PELP1: variants seen among roughly 807,000 people sequenced by gnomAD.
PELP1 encodes proline-, glutamic acid- and leucine-rich protein 1.
PELP1 carries 32 observed loss-of-function variants against 95.5 expected under a neutral mutation model. The observed-to-expected ratio is 0.34, with a 90% CI of 0.25 to 0.45. The LOEUF (loss-of-function observed/expected upper bound fraction) is 0.45, where lower values mean the gene tolerates loss of function less well. Ranked by LOEUF, PELP1 falls within the 20% of genes least tolerant of loss-of-function variation. PELP1 has a pLI of 1.00. For synonymous variants in PELP1, 668 were observed against 600.1 expected, an observed-to-expected ratio of 1.11 and a Z score of -1.65; for missense variants, 1,358 against 1,444.8, an observed-to-expected ratio of 0.94 and a Z score of 0.97.
At chr17:4,683,162 T>C in intron 3 of PELP1, 1 of 1,045,312 alleles carries the variant, frequency 9.6e-7, no homozygotes, top group Non-Finnish European at 1.2e-6. Context: ...GGAATTTGTG[T>C]GGGGGAAAAA....
chr17:4,692,194 G>A (rs1245895696), intron 1 of PELP1, among the ~76,000 whole-genome samples: 4 of 152,176 alleles, frequency 2.6e-5, no homozygotes, highest in African/African-American at 7.2e-5. Context: ...ATGGCCGGGC[G>A]CAGTGGCTCA....
chr17:4,683,973 G>A lies in PELP1; in HGVS notation c.421-1021C>T, dbSNP rs1279929614. ...ACTAATGTTCCCTGCTAGAAAGGGA[G>A]AAGAGCACTTTTCAGACTGAAAAAT... On this transcript the variant is annotated intron_variant, in intron 3 of 16. Transcript: ENST00000572293. 5.9e-5 allele frequency among the ~76,000 whole-genome samples: 9 copies of A among 151,532 alleles called. No individual in the cohort carries two copies. The East Asian group carries it at 7.8e-4, about 13-fold the overall frequency.
At chr17:4,693,151 T>C (rs1706786645) in intron 1 of PELP1, among the ~76,000 whole-genome samples, 1 of 152,198 alleles carries the variant, frequency 6.6e-6, no homozygotes, top group South Asian at 2.1e-4. Context: ...AAGTTATACA[T>C]AGAGTGAACA....
rs116554252 is a variant in PELP1 at position 4,672,615 on chromosome 17, G to A, written c.2376C>T (p.Pro792=). The A allele has an allele frequency of 1.9e-3, 3,052 of 1,608,260 alleles. 53 individuals carry two copies. In the African/African-American group the frequency reaches 0.033, roughly 17 times the overall value. The change falls in exon 16 of 17, where the codon CCC becomes CCT. Residue 792 remains proline (P), a synonymous_variant. Transcript: ENST00000572293. ...SDSDDSVVIV[P]EGLPPLPPPP... Reference sequence around the variant, plus strand: ...GGGGTGGCAGGGGGGGAAGCCCCTCGGGCACGATCACCACGCTGTCATCAG... The same window carrying A: ...GGGGTGGCAGGGGGGGAAGCCCCTCAGGCACGATCACCACGCTGTCATCAG...
At chr17:4,674,385 G>A in intron 13 of PELP1, 125 bp downstream of exon 13, 1 of 823,056 alleles carries the variant, frequency 1.2e-6, no homozygotes, top group African/African-American at 1.7e-5. Flanking sequence ...AGTGGACGAA[G>A]GCTGGTCTAG....
chr17:4,703,848 G>A lies in PELP1; in HGVS notation c.249+15C>T, dbSNP rs773951559. 6.3e-7 allele frequency: 1 copy of A among 1,599,712 alleles called. No homozygotes were observed. The highest frequency in any genetic ancestry group is 1.1e-5 in the South Asian group (1 of 90,090). On this transcript the variant is annotated intron_variant, in intron 1 of 16. Transcript: ENST00000572293. ...CCTCCCCACAGGGCCGCGGGCACGC[G>A]GGCCACGGACTCACCTGGGCCCCGC...
chr17:4,697,954 T>C (rs1371287496), intron 1 of PELP1, among the ~76,000 whole-genome samples: 1 of 150,206 alleles, frequency 6.7e-6, no homozygotes, highest in African/African-American at 2.4e-5. Context: ...CTGCTTAACC[T>C]AGAATACGTG....
chr17:4,675,193 C>T lies in PELP1; in HGVS notation c.1160G>A (p.Cys387Tyr). Residue 387 changes from cysteine to tyrosine, a missense_variant and splice_region_variant, in exon 11 of 17, where the codon TGT becomes TAT. Physicochemically the swap from Cys to Tyr is radical, Grantham distance 194. Around this residue, in one of 7 missense-constraint regions of PELP1, gnomAD observed 538 missense variants for 628.1 expected, o/e 0.86. Coordinates refer to ENST00000572293, the MANE Select transcript of PELP1 (RefSeq NM_014389.3). This position sits in a 1 kb window ranked among gnomAD's most constrained non-coding sequence, Gnocchi z 4.3. Reference sequence around the variant, plus strand: ...CCCAAAGCGCAAGAGCCGGCTTCCACACCTGGGGCAGAGAAGGAATGGTGA... The same window carrying T: ...CCCAAAGCGCAAGAGCCGGCTTCCATACCTGGGGCAGAGAAGGAATGGTGA... The part of the protein sequence containing the change: ...LDLLSALILA[C>Y]GSRLLRFGIL... 2 of 1,613,304 alleles carry T rather than the reference C, an allele frequency of 1.2e-6. No individual in the cohort carries two copies. Among genetic ancestry groups the T allele is most frequent in the Non-Finnish European group, 1.7e-6 (2 of 1,179,622 alleles).
At chr17:4,691,530 AT>A (rs748248320) in intron 1 of PELP1, 88 bp from the exon 2 acceptor site, 12 of 1,058,854 alleles carry the variant, frequency 1.1e-5, no homozygotes, top group Non-Finnish European at 1.7e-5. Context: ...CCCAGCACCT[AT>A]GAAGCCTTTC....
rs1162874736 is a variant in PELP1 at position 4,670,657 on chromosome 17, T to C, written c.*782A>G. 6.6e-6 allele frequency: 1 copy of C among 151,712 alleles called. No individual in the cohort carries two copies. The highest frequency in any genetic ancestry group is 1.5e-5 in the Non-Finnish European group (1 of 67,960). 9.4% of individuals were successfully genotyped at this position (151,712 alleles called of 1,614,324 possible). A position where few individuals can be genotyped will look rare whatever the true frequency, so the allele number is the denominator to read the frequency against. The stretch of plus-strand genomic sequence containing the variant: ...ATTGCTTGAACCTGGGAGGCAGAGG[T>C]TGCAGTGAGCTGAGACCATGCCACT... On this transcript the variant is annotated 3_prime_UTR_variant, in exon 17 of 17. Transcript: ENST00000572293.
At position 4,673,928 on chromosome 17, in the gene PELP1, C is replaced by A; in HGVS notation, c.1583-254G>T. 2.1e-6 allele frequency: 1 copy of A among 475,566 alleles called. No individual in the cohort carries two copies. Among genetic ancestry groups the A allele is most frequent in the Non-Finnish European group, 3.8e-6 (1 of 263,268 alleles). The allele number at this position is 475,566 out of a possible 1,614,324, so 29.5% of individuals were successfully genotyped here. A position where few individuals can be genotyped will look rare whatever the true frequency, so the allele number is the denominator to read the frequency against. Reference sequence around the variant, plus strand: ...TTGCATTTATATATTTGGGAACAATCGGTTCTCCCCTTCCCATGGGATGGG... The same window carrying A: ...TTGCATTTATATATTTGGGAACAATAGGTTCTCCCCTTCCCATGGGATGGG... On this transcript the variant is annotated intron_variant, in intron 13 of 16. Coordinates refer to ENST00000572293, the MANE Select transcript of PELP1 (RefSeq NM_014389.3). This position sits in a 1 kb window ranked among gnomAD's most constrained non-coding sequence, Gnocchi z 5.7.
chr17:4,687,264 G>A (rs1050436768), intron 3 of PELP1, among the ~76,000 whole-genome samples: 10 of 152,100 alleles, frequency 6.6e-5, no homozygotes, highest in South Asian at 2.1e-4. Flanking sequence ...AAGTATCTTC[G>A]CTGGGTGTGG....
In PELP1 at chr17:4,675,068, T is replaced by G. The variant is rs1912401839; in HGVS notation, c.1274+11A>C. On this transcript the variant is annotated intron_variant, in intron 11 of 16. Coordinates refer to ENST00000572293, the MANE Select transcript of PELP1 (RefSeq NM_014389.3). This position sits in a 1 kb window ranked among gnomAD's most constrained non-coding sequence, Gnocchi z 4.3. Reference sequence around the variant, plus strand: ...CCTCTTTATTCCCTTCCTGCCTTCCTGGATGGTCACCTGTAAGGCCTCTCC... The same window carrying G: ...CCTCTTTATTCCCTTCCTGCCTTCCGGGATGGTCACCTGTAAGGCCTCTCC... The G allele has an allele frequency of 6.2e-7, 1 of 1,611,626 alleles. No individual in the cohort carries two copies. The highest frequency in any genetic ancestry group is 8.5e-7 in the Non-Finnish European group (1 of 1,177,866).
Position 4,704,082 on chromosome 17 carries a change from A to T in PELP1, c.30T>A (p.Ser10=). 6.2e-7 allele frequency: 1 copy of T among 1,611,044 alleles called. No individual in the cohort carries two copies. Among genetic ancestry groups the T allele is most frequent in the Non-Finnish European group, 8.5e-7 (1 of 1,179,370 alleles). MAAAVLSGP[S]AGSAAGVPGG... ...CAGGAACCCCAGCCGCGGAGCCCGC[A>T]GAGGGCCCACTCAGAACGGCTGCCG... Residue 10 remains serine, a synonymous_variant, in exon 1 of 17, where the codon TCT becomes TCA. Coordinates refer to ENST00000572293, the MANE Select transcript of PELP1 (RefSeq NM_014389.3).
chr17:4,695,595 G>A (rs117823072), intron 1 of PELP1, among the ~76,000 whole-genome samples: 2,256 of 148,084 alleles, frequency 0.015, 23 homozygotes, highest in Admixed American at 0.044. Context: ...GAATCCAGGC[G>A]TTCAAGGCTG....
chr17:4,680,341 G>A lies in PELP1; in HGVS notation c.642+2161C>T, dbSNP rs1490499117. On this transcript the variant is annotated intron_variant, in intron 5 of 16. Transcript: ENST00000572293. ...CACCCAGGCTGGAGTACAGTGGTGC[G>A]ATCTCGGCTCATGGCAACCTCCGCC... is the stretch of plus-strand genomic sequence containing the variant. Among the ~76,000 whole-genome samples the A allele has an allele frequency of 8.5e-5, 13 of 152,140 alleles. No homozygotes were observed. The East Asian group carries it at 2.1e-3, about 25-fold the overall frequency.
At chr17:4,676,660 T>C (rs1912492692) in intron 6 of PELP1, 93 bp downstream of exon 6, 4 of 1,378,390 alleles carry the variant, frequency 2.9e-6, no homozygotes, top group African/African-American at 1.4e-5. Flanking sequence ...CAGATGGGCA[T>C]ATGAAGGCAG....
Position 4,675,230 on chromosome 17 carries a change from G to C in PELP1, c.1158-35C>G, listed in dbSNP as rs1027099906. 2 of 1,603,138 alleles carry C rather than the reference G, an allele frequency of 1.2e-6. No individual in the cohort carries two copies. The highest frequency in any genetic ancestry group is 1.7e-6 in the Non-Finnish European group (2 of 1,175,128). ...AGAAGGAATGGTGACCCTCGTTTCT[G>C]GCACGCCCTATCCCTTCACCACAGC... is the stretch of plus-strand genomic sequence containing the variant. On this transcript the variant is annotated intron_variant, in intron 10 of 16. Transcript: ENST00000572293. The surrounding 1 kb of genome is among the most constrained non-coding windows in gnomAD (Gnocchi z 4.3).
chr17:4,681,657 G>T (rs548037690), intron 5 of PELP1, among the ~76,000 whole-genome samples: 3 of 152,054 alleles, frequency 2.0e-5, no homozygotes, highest in Admixed American at 2.0e-4. Flanking sequence ...AAAATTAGCT[G>T]GGCGTAGTGG....
Sources: gnomAD v4.1 joint callset for allele counts (sites outside exome capture counted in the v4.1 genomes callset) on GRCh38, gnomAD v4.1.1 for gene constraint, gnomAD v4.1.1 regional missense constraint, Gnocchi (gnomAD v3.1) non-coding constraint, MANE v1.5 for transcripts, NCBI Gene and HGNC (gene_info 2026-07-23, HGNC 2026-07-21) for gene names.